CEP112: variants seen among roughly 807,000 people sequenced by gnomAD.
CEP112 encodes the protein centrosomal protein of 112 kDa.
Under a neutral mutation model 153.0 loss-of-function variants are expected in CEP112, and 127 were observed. The ratio of observed to expected loss-of-function variants is 0.83; its 90% CI spans 0.72 to 0.96. The LOEUF (loss-of-function observed/expected upper bound fraction) is 0.96, where lower values mean the gene tolerates loss of function less well. CEP112 is among the 40% of genes least tolerant of loss of function. CEP112 has a pLI of 0.00. For synonymous variants in CEP112, 358 were observed against 374.4 expected (o/e 0.96, Z 0.51); for missense variants, 1,089 against 1,101.2 (o/e 0.99, Z 0.16).
chr17:66,108,986 C>G (rs1400638630), intron 6 of CEP112, among the ~76,000 whole-genome samples: 6 of 152,170 alleles, frequency 3.9e-5, no homozygotes, highest in Non-Finnish European at 8.8e-5. Flanking sequence ...AACTGGAGAT[C>G]ATTAAGTTCT....
chr17:65,905,243 A>G (rs1386963728), intron 19 of CEP112, among the ~76,000 whole-genome samples: 1 of 152,118 alleles, frequency 6.6e-6, no homozygotes, highest in Non-Finnish European at 1.5e-5. Context: ...CAAAGAACTT[A>G]GACAAATTTA....
At position 65,820,875 on chromosome 17, in the gene CEP112, A is replaced by G. The variant is rs528776860; in HGVS notation, c.2394+30929T>C. On this transcript the variant is annotated intron_variant, in intron 21 of 26. Coordinates refer to ENST00000535342, the MANE Select transcript of CEP112 (RefSeq NM_001199165.4). ...AATAACATAAGCAATTGTCACAAAT[A>G]AGATTCAAAGATACTGATGTTTGAT... Among the ~76,000 whole-genome samples the G allele has an allele frequency of 3.3e-5, 5 of 152,248 alleles. No homozygotes were observed. The South Asian group carries it at 1.0e-3, about 32-fold the overall frequency.
chr17:66,120,510 G>C (rs2069524180), intron 6 of CEP112, among the ~76,000 whole-genome samples: 1 of 151,962 alleles, frequency 6.6e-6, no homozygotes, highest in African/African-American at 2.4e-5. Context: ...CTGTTGGGAG[G>C]TTTTAAAATA....
chr17:65,763,010 C>T (rs552218669), intron 21 of CEP112, among the ~76,000 whole-genome samples: 12 of 151,984 alleles, frequency 7.9e-5, no homozygotes, highest in African/African-American at 2.9e-4. Flanking sequence ...CAACAAACTC[C>T]CCCAATTTTT....
intron 8 of CEP112, among the ~76,000 whole-genome samples, chr17:66,081,655 G>A (rs558716602): frequency 1.1e-4 from 16 of 149,910 alleles, no homozygotes; most frequent in Non-Finnish European, 1.8e-4. Flanking sequence ...AGTGGCTCAC[G>A]CCTGTAATCC....
intron 4 of CEP112, among the ~76,000 whole-genome samples, chr17:66,167,856 T>C (rs1415252388): frequency 6.6e-6 from 1 of 152,174 alleles, no homozygotes; most frequent in Non-Finnish European, 1.5e-5. Flanking sequence ...TTCAATCTGA[T>C]GACTTGGAAA....
chr17:65,906,077 C>T (rs2060067296), intron 19 of CEP112, among the ~76,000 whole-genome samples: 1 of 152,146 alleles, frequency 6.6e-6, no homozygotes, highest in Admixed American at 6.5e-5. Context: ...TTACACCATA[C>T]TATGCAGCCA....
chr17:65,804,856 G>A (rs1189119030), intron 21 of CEP112, among the ~76,000 whole-genome samples: 1 of 151,588 alleles, frequency 6.6e-6, no homozygotes, highest in African/African-American at 2.4e-5. Context: ...GACAAACTCT[G>A]TACAATTAAT....
At chr17:65,783,854 C>G (rs1054878917) in intron 21 of CEP112, among the ~76,000 whole-genome samples, 1 of 152,164 alleles carries the variant, frequency 6.6e-6, no homozygotes, top group East Asian at 1.9e-4. Context: ...TTCCTTTGAT[C>G]GACTATTTCA....
chr17:65,863,575 G>A (rs2058378102), intron 20 of CEP112, among the ~76,000 whole-genome samples: 1 of 148,900 alleles, frequency 6.7e-6, no homozygotes. Context: ...AGACCACGGT[G>A]AAACCCCGTC....
At chr17:65,819,187 C>T (rs1031545293) in intron 21 of CEP112, among the ~76,000 whole-genome samples, 26 of 151,916 alleles carry the variant, frequency 1.7e-4, no homozygotes, top group Admixed American at 1.1e-3. Context: ...ATTTATCCAA[C>T]GCTTAGAGTG....
intron 23 of CEP112, among the ~76,000 whole-genome samples, chr17:65,702,790 G>A (rs182426828): frequency 1.8e-4 from 27 of 152,214 alleles, no homozygotes; most frequent in African/African-American, 6.3e-4. Flanking sequence ...GCAAAGGCAC[G>A]TCTTACATGG....
At chr17:66,065,679 G>C (rs2067089898) in intron 10 of CEP112, among the ~76,000 whole-genome samples, 1 of 150,240 alleles carries the variant, frequency 6.7e-6, no homozygotes, top group African/African-American at 2.5e-5. Flanking sequence ...GCCCAGGCTG[G>C]AGTGCAGTGG....
intron 24 of CEP112, among the ~76,000 whole-genome samples, chr17:65,648,390 T>G (rs948200629): frequency 6.6e-6 from 1 of 152,234 alleles, no homozygotes; most frequent in African/African-American, 2.4e-5. Context: ...TATAACATGG[T>G]GCCCATGTGA....
chr17:66,180,905 A>G (rs185620407), intron 2 of CEP112, among the ~76,000 whole-genome samples: 1 of 152,316 alleles, frequency 6.6e-6, no homozygotes, highest in Admixed American at 6.5e-5. Context: ...TTCAGGTTGG[A>G]AACTTATGCC....
At chr17:65,706,326 A>T (rs2048911874) in intron 23 of CEP112, among the ~76,000 whole-genome samples, 1 of 152,210 alleles carries the variant, frequency 6.6e-6, no homozygotes, top group African/African-American at 2.4e-5. Context: ...AAATACAAGG[A>T]AAATGGGGGT....
At position 66,046,641 on chromosome 17, in the gene CEP112, C is replaced by T. The variant is rs1248406426; in HGVS notation, c.1218+7095G>A. On this transcript the variant is annotated intron_variant, in intron 12 of 26. Transcript: ENST00000535342. ...AAAGATATGTTGAAGGACAATCTCC[C>T]GTACCTATGAGTGTGGCCTTATTTG... Among the ~76,000 whole-genome samples, 5 of 152,134 alleles carry T rather than the reference C, an allele frequency of 3.3e-5. No individual in the cohort carries two copies. The East Asian group carries it at 5.8e-4, about 18-fold the overall frequency.
intron 18 of CEP112, among the ~76,000 whole-genome samples, chr17:65,939,943 A>G (rs774074203): frequency 6.6e-6 from 1 of 152,144 alleles, no homozygotes; most frequent in Non-Finnish European, 1.5e-5. Flanking sequence ...TCAACAAAGT[A>G]AAAAAACAAC....
intron 19 of CEP112, among the ~76,000 whole-genome samples, chr17:65,904,525 G>A (rs912258068): frequency 2.6e-5 from 4 of 152,184 alleles, no homozygotes; most frequent in Admixed American, 2.6e-4. Context: ...TGGCCATGCT[G>A]CCCGAAGTAA....
Sources: gnomAD v4.1 joint callset for allele counts (sites outside exome capture counted in the v4.1 genomes callset) on GRCh38, gnomAD v4.1.1 for gene constraint, MANE v1.5 for transcripts, NCBI Gene and HGNC (gene_info 2026-07-23, HGNC 2026-07-21) for gene names.